The following SRBD1 variants were observed in gnomAD, a reference collection of about 807,000 sequenced individuals.
SRBD1 encodes the protein S1 RNA binding domain 1, also known as S1 RNA-binding domain-containing protein 1.
Under a neutral mutation model 115.3 loss-of-function variants are expected in SRBD1, and 88 were observed. That is an observed-to-expected ratio of 0.76 (90% confidence interval 0.64 to 0.91). The LOEUF is 0.91. SRBD1 is among the 40% of genes least tolerant of loss of function. The probability of loss-of-function intolerance (pLI) is 0.00; values close to 1 mark genes in which losing one functional copy is unlikely to be tolerated. For missense variants in SRBD1, 1,385 were observed against 1,177.4 expected, an observed-to-expected ratio of 1.18 and a Z score of -2.58; for synonymous variants, 509 against 407.7, an observed-to-expected ratio of 1.25 and a Z score of -2.99.
intron 2 of SRBD1, among the ~76,000 whole-genome samples, chr2:45,604,593 C>T (rs1324763023): frequency 1.3e-5 from 2 of 152,150 alleles, no homozygotes; most frequent in African/African-American, 4.8e-5. Flanking sequence ...CCTGAACACA[C>T]CAAACTTATT....
At chr2:45,484,257 G>A (rs140063205) in intron 15 of SRBD1, among the ~76,000 whole-genome samples, 24 of 152,258 alleles carry the variant, frequency 1.6e-4, no homozygotes, top group Middle Eastern at 6.8e-3. Context: ...GGTAAGGCTT[G>A]TCAACTATGG....
At chr2:45,534,310 CAT>C (rs1558460372) in intron 14 of SRBD1, among the ~76,000 whole-genome samples, 1 of 151,742 alleles carries the variant, frequency 6.6e-6, no homozygotes, top group Non-Finnish European at 1.5e-5. Context: ...GACTGTAAAA[CAT>C]AGTTTTATTT....
intron 14 of SRBD1, among the ~76,000 whole-genome samples, chr2:45,506,843 T>C (rs186131081): frequency 2.0e-5 from 3 of 152,288 alleles, no homozygotes; most frequent in Non-Finnish European, 2.9e-5. Context: ...TCTAAATTAA[T>C]TTCTTATTCA....
intron 7 of SRBD1, 27 bp downstream of exon 7, chr2:45,579,848 G>C: frequency 6.8e-7 from 1 of 1,472,300 alleles, no homozygotes; most frequent in Non-Finnish European, 9.0e-7. Context: ...AAGAAACAAA[G>C]TTGATCTCTG....
chr2:45,441,176 G>C (rs1029802282), intron 16 of SRBD1, among the ~76,000 whole-genome samples: 1 of 152,054 alleles, frequency 6.6e-6, no homozygotes, highest in Non-Finnish European at 1.5e-5. Context: ...TTAATGTGGA[G>C]TCAGAGAGTT....
intron 15 of SRBD1, among the ~76,000 whole-genome samples, chr2:45,478,486 G>A (rs561141287): frequency 2.6e-5 from 4 of 152,258 alleles, no homozygotes; most frequent in East Asian, 3.9e-4. Flanking sequence ...CTGAGCTGGC[G>A]TTACACAATC....
chr2:45,445,922 A>C (rs1426137680), intron 16 of SRBD1, among the ~76,000 whole-genome samples: 5 of 152,194 alleles, frequency 3.3e-5, no homozygotes, highest in Admixed American at 2.6e-4. Flanking sequence ...CTACTAGAGA[A>C]AGTTCAATGG....
intron 14 of SRBD1, among the ~76,000 whole-genome samples, chr2:45,520,405 T>C (rs1241254066): frequency 6.6e-6 from 1 of 152,216 alleles, no homozygotes; most frequent in Non-Finnish European, 1.5e-5. Flanking sequence ...CTGTTTGCTT[T>C]AGGCATTTCT....
At chr2:45,523,633 G>A (rs1011472942) in intron 14 of SRBD1, among the ~76,000 whole-genome samples, 2 of 151,378 alleles carry the variant, frequency 1.3e-5, no homozygotes, top group African/African-American at 4.8e-5. Context: ...TACCAAAAAT[G>A]ACTCAAAAAG....
At chr2:45,587,593 C>T (rs1558497518) in intron 4 of SRBD1, among the ~76,000 whole-genome samples, 1 of 152,118 alleles carries the variant, frequency 6.6e-6, no homozygotes, top group Non-Finnish European at 1.5e-5. Context: ...TTATCAAAAT[C>T]AAGTCCAGAT....
At chr2:45,445,550 TAAAAAA>T (rs59451865) in intron 16 of SRBD1, among the ~76,000 whole-genome samples, 11 of 37,026 alleles carry the variant, frequency 3.0e-4, no homozygotes, top group Admixed American at 1.1e-3. Flanking sequence ...TTCCCAGAGG[TAAAAAA>T]AAAAAAAAAA....
Position 45,414,498 on chromosome 2 carries a change from AGTGT to A in SRBD1, c.2334-1209_2334-1206del, listed in dbSNP as rs755208589. On this transcript the variant is annotated intron_variant, in intron 18 of 20. Coordinates refer to ENST00000263736, the MANE Select transcript of SRBD1 (RefSeq NM_018079.5). ...TAGTGTGTGTGTACAGTGTGTATATAGTGTGTGTGTACACACATAGTGTGTATAT... is the reference window on the plus strand; with the variant it reads ...TAGTGTGTGTGTACAGTGTGTATATAGTGTGTACACACATAGTGTGTATAT... Among the ~76,000 whole-genome samples the A allele has an allele frequency of 1.7e-4, 25 of 148,036 alleles. No homozygotes were observed. In the East Asian group the frequency reaches 2.1e-3, roughly 13 times the overall value.
chr2:45,595,883 C>A (rs551868431), intron 4 of SRBD1, among the ~76,000 whole-genome samples: 88 of 152,264 alleles, frequency 5.8e-4, no homozygotes, highest in African/African-American at 2.1e-3. Flanking sequence ...TAATTGCCAT[C>A]AGATTGCTCA....
intron 10 of SRBD1, 149 bp from the exon 11 acceptor site, chr2:45,553,879 A>T: frequency 4.5e-6 from 2 of 443,166 alleles, no homozygotes; most frequent in Non-Finnish European, 8.3e-6. Flanking sequence ...AGGCTGTGGT[A>T]TCTGAAAATT....
chr2:45,462,750 T>A (rs1446244348), intron 16 of SRBD1, among the ~76,000 whole-genome samples: 1 of 151,082 alleles, frequency 6.6e-6, no homozygotes, highest in Non-Finnish European at 1.5e-5. Context: ...GGCGTGAACC[T>A]GGGAGGCAGA....
intron 14 of SRBD1, among the ~76,000 whole-genome samples, chr2:45,497,396 C>A (rs375754869): frequency 1.9e-4 from 29 of 152,314 alleles, no homozygotes; most frequent in African/African-American, 6.7e-4. Context: ...ACTGAATGTA[C>A]ATAAACGGTA....
In SRBD1 at chr2:45,469,322, T is replaced by G. The variant is rs538761713; in HGVS notation, c.2049+7671A>C. ...GAAAGTAACTTAAAGTTTTAGAAAC[T>G]GTAACAGTGATTTCTGTGCTAACAC... On this transcript the variant is annotated intron_variant, in intron 16 of 20. Transcript: ENST00000263736. Among the ~76,000 whole-genome samples the G allele has an allele frequency of 1.8e-4, 27 of 152,344 alleles. 2 individuals are homozygous for G. In the South Asian group the frequency reaches 5.6e-3, roughly 32 times the overall value.
chr2:45,573,066 T>C (rs1404678368), intron 9 of SRBD1, 141 bp downstream of exon 9: 2 of 966,482 alleles, frequency 2.1e-6, no homozygotes, highest in South Asian at 4.5e-5. Flanking sequence ...GGCAAGGATA[T>C]GACAATATTA....
intron 15 of SRBD1, among the ~76,000 whole-genome samples, chr2:45,483,826 T>G (rs970239837): frequency 1.3e-5 from 2 of 152,126 alleles, no homozygotes; most frequent in Admixed American, 6.6e-5. Flanking sequence ...TAGAAGTCGA[T>G]GCAAATCTAC....
Sources: gnomAD v4.1 joint callset for allele counts (sites outside exome capture counted in the v4.1 genomes callset) on GRCh38, gnomAD v4.1.1 for gene constraint, MANE v1.5 for transcripts, NCBI Gene and HGNC (gene_info 2026-07-23, HGNC 2026-07-21) for gene names.